The following NTNG1 variants were observed in gnomAD, a reference collection of about 807,000 sequenced individuals.
NTNG1 encodes netrin-G1.
NTNG1 carries 16 observed loss-of-function variants against 54.0 expected under a neutral mutation model. The ratio of observed to expected loss-of-function variants is 0.30; its 90% confidence interval spans 0.20 to 0.45. The LOEUF is 0.45. Among genes scored for constraint, NTNG1 ranks in the 20% least tolerant of loss-of-function variants. The pLI is 1.00. For synonymous variants in NTNG1, 255 were observed against 263.1 expected (o/e 0.97, Z 0.30); for missense variants, 530 against 678.7 (o/e 0.78, Z 2.43).
At chr1:107,240,161 T>TA (rs1355465378) in intron 2 of NTNG1, among the ~76,000 whole-genome samples, 13 of 152,218 alleles carry the variant, frequency 8.5e-5, no homozygotes, top group Admixed American at 2.6e-4. Flanking sequence ...TGCTTTTTTT[T>TA]AAAAAAATGT....
intron 3 of NTNG1, among the ~76,000 whole-genome samples, chr1:107,375,625 G>A (rs750683340): frequency 2.6e-5 from 4 of 152,128 alleles, no homozygotes; most frequent in Non-Finnish European, 5.9e-5. Context: ...TTATGTTTTA[G>A]TCAAGAATGT....
At chr1:107,397,191 T>C (rs1050460821) in intron 4 of NTNG1, among the ~76,000 whole-genome samples, 1 of 152,182 alleles carries the variant, frequency 6.6e-6, no homozygotes, top group Non-Finnish European at 1.5e-5. Context: ...GTTTTCTGTA[T>C]ACATTTTGGA....
At chr1:107,363,666 G>GT (rs1269656017) in intron 3 of NTNG1, among the ~76,000 whole-genome samples, 1 of 151,972 alleles carries the variant, frequency 6.6e-6, no homozygotes, top group African/African-American at 2.4e-5. Flanking sequence ...TCTCTTGCCA[G>GT]TTATATAAAG....
chr1:107,405,475 G>A (rs1282442557), intron 4 of NTNG1, among the ~76,000 whole-genome samples: 2 of 152,090 alleles, frequency 1.3e-5, no homozygotes, highest in African/African-American at 4.8e-5. Flanking sequence ...TCTCCTAATA[G>A]CCTCGCTTGG....
At chr1:107,171,878 C>T (rs1456925359) in intron 2 of NTNG1, among the ~76,000 whole-genome samples, 2 of 141,592 alleles carry the variant, frequency 1.4e-5, no homozygotes, top group African/African-American at 2.6e-5. Context: ...CTTTTACCAA[C>T]AGCCTGGATT....
intron 2 of NTNG1, among the ~76,000 whole-genome samples, chr1:107,178,963 G>C (rs1656859899): frequency 6.6e-6 from 1 of 152,104 alleles, no homozygotes; most frequent in Non-Finnish European, 1.5e-5. Flanking sequence ...GTCGCTGCTT[G>C]GACATAGCAT....
intron 2 of NTNG1, among the ~76,000 whole-genome samples, chr1:107,250,976 T>C (rs1662567162): frequency 6.6e-6 from 1 of 152,244 alleles, no homozygotes; most frequent in Non-Finnish European, 1.5e-5. Context: ...TCATGCATGG[T>C]TATTCTTACC....
chr1:107,195,092 G>C (rs542925834), intron 2 of NTNG1, among the ~76,000 whole-genome samples: 2 of 152,072 alleles, frequency 1.3e-5, no homozygotes, highest in Admixed American at 1.3e-4. Flanking sequence ...CAATGAAAAT[G>C]TAATGAAAAA....
intron 4 of NTNG1, among the ~76,000 whole-genome samples, chr1:107,402,148 C>T (rs1673079981): frequency 6.6e-6 from 1 of 152,104 alleles, no homozygotes. Flanking sequence ...TTATTCAAGT[C>T]CTTATGGCCA....
At chr1:107,371,065 G>A (rs538306386) in intron 3 of NTNG1, among the ~76,000 whole-genome samples, 26 of 152,172 alleles carry the variant, frequency 1.7e-4, no homozygotes, top group Admixed American at 8.5e-4. Context: ...TAAAAAGAAA[G>A]CATTCTGTCT....
In NTNG1 at chr1:107,211,461, A is replaced by G. The variant is rs1168261236; in HGVS notation, c.246+62622A>G. Reference sequence around the variant, plus strand: ...TACCTATAAGAGGCAGATTTATTTTAATATCCCTAAGCCACCACACCTAGT... The same window carrying G: ...TACCTATAAGAGGCAGATTTATTTTGATATCCCTAAGCCACCACACCTAGT... On this transcript the variant is annotated intron_variant, in intron 2 of 7. Transcript: ENST00000370068. Among the ~76,000 whole-genome samples, 5 of 152,294 alleles carry G rather than the reference A, an allele frequency of 3.3e-5. No individual in the cohort carries two copies. In the East Asian group the frequency reaches 7.7e-4, roughly 23 times the overall value.
intron 7 of NTNG1, among the ~76,000 whole-genome samples, chr1:107,469,304 A>C (rs1054258496): frequency 5.3e-5 from 8 of 152,108 alleles, no homozygotes; most frequent in African/African-American, 1.7e-4. Context: ...CATGGTATCC[A>C]ACCTGAGTTG....
chr1:107,201,312 C>T (rs576799417), intron 2 of NTNG1, among the ~76,000 whole-genome samples: 4 of 151,866 alleles, frequency 2.6e-5, no homozygotes, highest in Non-Finnish European at 5.9e-5. Flanking sequence ...TGTCTCCTGA[C>T]CACATTTTAA....
At chr1:107,450,471 C>T (rs1389876217) in intron 7 of NTNG1, among the ~76,000 whole-genome samples, 4 of 151,966 alleles carry the variant, frequency 2.6e-5, no homozygotes, top group African/African-American at 9.7e-5. Flanking sequence ...TGGTACCCAT[C>T]CTCAGAGTTT....
chr1:107,152,429 C>CTT (rs1426166470), intron 2 of NTNG1, among the ~76,000 whole-genome samples: 1 of 152,142 alleles, frequency 6.6e-6, no homozygotes, highest in African/African-American at 2.4e-5. Flanking sequence ...ATGACTTTTT[C>CTT]TTTGTGTTTA....
intron 2 of NTNG1, among the ~76,000 whole-genome samples, chr1:107,278,132 G>C (rs933247568): frequency 6.6e-6 from 1 of 152,060 alleles, no homozygotes; most frequent in Non-Finnish European, 1.5e-5. Flanking sequence ...TGTTGAAAAA[G>C]GCCTTTGCAT....
intron 7 of NTNG1, among the ~76,000 whole-genome samples, chr1:107,444,128 T>G (rs147738882): frequency 3.3e-5 from 5 of 152,174 alleles, no homozygotes; most frequent in Admixed American, 3.3e-4. Flanking sequence ...TGCCCCCAGT[T>G]GTGAAGTATC....
chr1:107,236,257 T>TAA (rs1661405179), intron 2 of NTNG1, among the ~76,000 whole-genome samples: 1 of 152,132 alleles, frequency 6.6e-6, no homozygotes. Context: ...GTGAAATACT[T>TAA]AAAGTGTTGA....
At chr1:107,427,163 C>A (rs1426128748) in intron 5 of NTNG1, among the ~76,000 whole-genome samples, 2 of 152,050 alleles carry the variant, frequency 1.3e-5, no homozygotes, top group Non-Finnish European at 2.9e-5. Flanking sequence ...AATTTGAATG[C>A]CTTTTATTTC....
Sources: allele counts gnomAD v4.1 joint callset (sites outside exome capture counted in the v4.1 genomes callset), GRCh38; gene constraint gnomAD v4.1.1; transcripts MANE v1.5; gene names NCBI Gene and HGNC (gene_info 2026-07-23, HGNC 2026-07-21).